The following IGSF3 variants were observed in gnomAD, a reference collection of about 807,000 sequenced individuals.
IGSF3 encodes the protein immunoglobulin superfamily member 3.
Under a neutral mutation model 114.4 loss-of-function variants are expected in IGSF3, and 23 were observed. That is an observed-to-expected ratio of 0.20 (90% CI 0.14 to 0.28). The LOEUF is 0.28. IGSF3 is among the 10% of genes least tolerant of loss of function. The probability of loss-of-function intolerance (pLI) is 1.00; values close to 1 mark genes in which losing one functional copy is unlikely to be tolerated. For missense variants in IGSF3, 1,172 were observed against 1,591.5 expected (o/e 0.74, Z 4.48); for synonymous variants, 571 against 645.2 (o/e 0.88, Z 1.74).
chr1:116,598,015 C>T lies in IGSF3; in HGVS notation c.2029+1926G>A, dbSNP rs1341884878. ...TTCATACATATTTTTCCCTGTCTGC[C>T]TTTAGTAACACCATAAACTAATCCA... On this transcript the variant is annotated intron_variant, in intron 7 of 10. Coordinates refer to ENST00000369486, the MANE Select transcript of IGSF3 (RefSeq NM_001007237.3). The surrounding 1 kb of genome is among the most constrained non-coding windows in gnomAD (Gnocchi z 4.3). Among the ~76,000 whole-genome samples the T allele has an allele frequency of 2.0e-5, 3 of 152,204 alleles. No homozygotes were observed. In the East Asian group the frequency reaches 5.8e-4, roughly 29 times the overall value.
rs946856136 is a variant in IGSF3, at chr1:116,667,706, C to G, written c.-719G>C. ...CTCAGGGGACGCGCCGCTTCCTCTT[C>G]TCCCGCAACGGCACCAGCAGCCGCG... On this transcript the variant is annotated 5_prime_UTR_variant, in exon 1 of 11. Coordinates refer to ENST00000369486, the MANE Select transcript of IGSF3 (RefSeq NM_001007237.3). 1.9e-4 allele frequency: 29 copies of G among 151,716 alleles called. No homozygotes were observed. The highest frequency in any genetic ancestry group is 7.0e-4 in the African/African-American group (29 of 41,496). The allele number at this position is 151,716 out of a possible 1,614,324, so 9.4% of individuals were successfully genotyped here.
chr1:116,664,919 G>A lies in IGSF3; in HGVS notation c.43+1365C>T, dbSNP rs527356344. On this transcript the variant is annotated intron_variant, in intron 2 of 10. Transcript: ENST00000369486. The surrounding 1 kb of genome is among the most constrained non-coding windows in gnomAD (Gnocchi z 4.6). ...GGGTCCCACTCCCTAAGCGAGTTTG[G>A]TTTCACTGATCTGGGGTTGTTGCCT... is the stretch of plus-strand genomic sequence containing the variant. Among the ~76,000 whole-genome samples, 1 of 152,306 alleles carries A rather than the reference G, an allele frequency of 6.6e-6. No homozygotes were observed. Among genetic ancestry groups the A allele is most frequent in the Admixed American group, 6.5e-5 (1 of 15,306 alleles).
chr1:116,590,034 G>A (rs141743641), intron 7 of IGSF3, among the ~76,000 whole-genome samples: 4,025 of 152,166 alleles, frequency 0.026, 78 homozygotes, highest in Non-Finnish European at 0.041. Flanking sequence ...GGAGAAACAC[G>A]GCAACAGGTA....
At chr1:116,581,451 A>G (rs558203046) in intron 9 of IGSF3, among the ~76,000 whole-genome samples, 2 of 151,474 alleles carry the variant, frequency 1.3e-5, no homozygotes, top group South Asian at 4.2e-4. Flanking sequence ...AATGTAATGT[A>G]AACTGAAGTA....
chr1:116,602,892 C>G (rs1214254155), intron 6 of IGSF3, among the ~76,000 whole-genome samples: 3 of 152,220 alleles, frequency 2.0e-5, no homozygotes, highest in African/African-American at 7.2e-5. Flanking sequence ...CAAATCTAAT[C>G]TTCCTTGGTT....
chr1:116,613,119 A>G (rs1009361719), intron 4 of IGSF3, among the ~76,000 whole-genome samples: 1 of 152,346 alleles, frequency 6.6e-6, no homozygotes, highest in African/African-American at 2.4e-5. Flanking sequence ...TTGAGCCCCA[A>G]CATAAAGTAA....
chr1:116,591,825 G>A (rs1238069764), intron 7 of IGSF3, among the ~76,000 whole-genome samples: 1 of 152,138 alleles, frequency 6.6e-6, no homozygotes, highest in Non-Finnish European at 1.5e-5. Context: ...CCTCCACAGA[G>A]CTAGGAGAGC....
rs1365887607 is a variant in IGSF3, at chr1:116,615,385, T to C, written c.421+695A>G. Among the ~76,000 whole-genome samples, 2 of 152,086 alleles carry C rather than the reference T, an allele frequency of 1.3e-5. No homozygotes were observed. Among genetic ancestry groups the C allele is most frequent in the Non-Finnish European group, 2.9e-5 (2 of 68,008 alleles). ...AAACAAATGATAGTATGTGTATTAA[T>C]AAAAGAACTAGCAACACCCACTGCT... On this transcript the variant is annotated intron_variant, in intron 3 of 10. Transcript: ENST00000369486. This position sits in a 1 kb window ranked among gnomAD's most constrained non-coding sequence, Gnocchi z 4.3.
Position 116,632,911 on chromosome 1 carries a change from T to A in IGSF3, c.44-16454A>T, listed in dbSNP as rs1647658774. Among the ~76,000 whole-genome samples, 1 of 152,254 alleles carries A rather than the reference T, an allele frequency of 6.6e-6. No homozygotes were observed. The highest frequency in any genetic ancestry group is 1.5e-5 in the Non-Finnish European group (1 of 68,044). ...TTTACCAAGCATTTGATTTACTTGC[T>A]CAGGCAAAATTCCAGAAGAGACACT... is the stretch of plus-strand genomic sequence containing the variant. On this transcript the variant is annotated intron_variant, in intron 2 of 10. Coordinates refer to ENST00000369486, the MANE Select transcript of IGSF3 (RefSeq NM_001007237.3). This position sits in a 1 kb window ranked among gnomAD's most constrained non-coding sequence, Gnocchi z 5.1.
rs1027999784 is a variant in IGSF3 at position 116,650,030 on chromosome 1, T to C, written c.43+16254A>G. On this transcript the variant is annotated intron_variant, in intron 2 of 10. Transcript: ENST00000369486. This position sits in a 1 kb window ranked among gnomAD's most constrained non-coding sequence, Gnocchi z 5.0. ...ACAATCTCCTCACTCAACTCTTTCC[T>C]ACCAACTTGCTTTCCCCTCTCCTTT... is the stretch of plus-strand genomic sequence containing the variant. Among the ~76,000 whole-genome samples, 5 of 152,216 alleles carry C rather than the reference T, an allele frequency of 3.3e-5. No individual in the cohort carries two copies. The highest frequency in any genetic ancestry group is 1.2e-4 in the African/African-American group (5 of 41,462).
chr1:116,657,448 A>T lies in IGSF3; in HGVS notation c.43+8836T>A, dbSNP rs555538740. ...CTTTCCCTAACCACAGGGCTAAGCAACCTAATGGATCAAACATGTGTGCTT... is the reference window on the plus strand; with the variant it reads ...CTTTCCCTAACCACAGGGCTAAGCATCCTAATGGATCAAACATGTGTGCTT... On this transcript the variant is annotated intron_variant, in intron 2 of 10. Coordinates refer to ENST00000369486, the MANE Select transcript of IGSF3 (RefSeq NM_001007237.3). The surrounding 1 kb of genome is among the most constrained non-coding windows in gnomAD (Gnocchi z 4.2). Among the ~76,000 whole-genome samples, 7 of 141,796 alleles carry T rather than the reference A, an allele frequency of 4.9e-5. No individual in the cohort carries two copies. Among genetic ancestry groups the T allele is most frequent in the Non-Finnish European group, 9.1e-5 (6 of 66,096 alleles). 93.0% of individuals were successfully genotyped at this position (141,796 alleles called of 152,430 possible). A position where few individuals can be genotyped will look rare whatever the true frequency, so the allele number is the denominator to read the frequency against.
chr1:116,604,901 G>A (rs1660733425), intron 5 of IGSF3, among the ~76,000 whole-genome samples: 1 of 152,256 alleles, frequency 6.6e-6, no homozygotes, highest in African/African-American at 2.4e-5. Context: ...ACCTTTAACT[G>A]TAGAATTCTT....
rs923822163 is a variant in IGSF3, at chr1:116,632,390, C to A, written c.44-15933G>T. Among the ~76,000 whole-genome samples, 1 of 152,130 alleles carries A rather than the reference C, an allele frequency of 6.6e-6. No homozygotes were observed. Among genetic ancestry groups the A allele is most frequent in the African/African-American group, 2.4e-5 (1 of 41,400 alleles). On this transcript the variant is annotated intron_variant, in intron 2 of 10. Coordinates refer to ENST00000369486, the MANE Select transcript of IGSF3 (RefSeq NM_001007237.3). This position sits in a 1 kb window ranked among gnomAD's most constrained non-coding sequence, Gnocchi z 5.1. ...GGGTGGGCGTGCTAGCATCTCTCAG[C>A]TAGACTGTCATTGGATGGTGACATT... is the stretch of plus-strand genomic sequence containing the variant.
In IGSF3 at chr1:116,649,357, A is replaced by G. The variant is rs1012744183; in HGVS notation, c.43+16927T>C. Among the ~76,000 whole-genome samples, 1 of 152,240 alleles carries G rather than the reference A, an allele frequency of 6.6e-6. No individual in the cohort carries two copies. Among genetic ancestry groups the G allele is most frequent in the Non-Finnish European group, 1.5e-5 (1 of 68,050 alleles). ...ATCTGGAGTATGTGCATGTCTAGTGAGTTGCCTCTACCACATCCTCTTAAC... is the reference window on the plus strand; with the variant it reads ...ATCTGGAGTATGTGCATGTCTAGTGGGTTGCCTCTACCACATCCTCTTAAC... On this transcript the variant is annotated intron_variant, in intron 2 of 10. Transcript: ENST00000369486. This position sits in a 1 kb window ranked among gnomAD's most constrained non-coding sequence, Gnocchi z 4.5.
rs141457080 is a variant in IGSF3, at chr1:116,623,586, T to C, written c.44-7129A>G. Among the ~76,000 whole-genome samples the C allele has an allele frequency of 4.7e-3, 705 of 151,004 alleles. 7 individuals are homozygous for C. The highest frequency in any genetic ancestry group is 0.016 in the African/African-American group (652 of 41,128). On this transcript the variant is annotated intron_variant, in intron 2 of 10. Coordinates refer to ENST00000369486, the MANE Select transcript of IGSF3 (RefSeq NM_001007237.3). The stretch of plus-strand genomic sequence containing the variant: ...TATCAGGAGGCTGAGGCAGGAGAAT[T>C]GCTTGAACCTGGGAGATGGAGGTTG...
At chr1:116,635,403 G>A (rs1571178138) in intron 2 of IGSF3, among the ~76,000 whole-genome samples, 1 of 152,026 alleles carries the variant, frequency 6.6e-6, no homozygotes, top group South Asian at 2.1e-4. Context: ...TTCTTAATAT[G>A]ACCCTCACCC....
In IGSF3 at chr1:116,629,080, G is replaced by A. The variant is rs146927758; in HGVS notation, c.44-12623C>T. Among the ~76,000 whole-genome samples, 1,618 of 152,248 alleles carry A rather than the reference G, an allele frequency of 0.011. 16 individuals carry two copies. The highest frequency in any genetic ancestry group is 0.016 in the Non-Finnish European group (1,095 of 68,024). On this transcript the variant is annotated intron_variant, in intron 2 of 10. Transcript: ENST00000369486. This position sits in a 1 kb window ranked among gnomAD's most constrained non-coding sequence, Gnocchi z 4.3. ...TACAAGAATGAGCACTATACCATAG[G>A]GGGGTGGGTCACAAAAGCAGGAAAA...
At chr1:116,622,010 T>C (rs1359442305) in intron 2 of IGSF3, among the ~76,000 whole-genome samples, 3 of 152,224 alleles carry the variant, frequency 2.0e-5, no homozygotes, top group African/African-American at 7.2e-5. Flanking sequence ...CAGCTTCTCA[T>C]GCAATTTTTG....
intron 2 of IGSF3, among the ~76,000 whole-genome samples, chr1:116,656,094 A>G (rs1332651317): frequency 6.6e-6 from 1 of 152,168 alleles, no homozygotes; most frequent in African/African-American, 2.4e-5. Context: ...AAAATAGTGA[A>G]GTAAATCATC....
Sources: allele counts gnomAD v4.1 joint callset (sites outside exome capture counted in the v4.1 genomes callset), GRCh38; gene constraint gnomAD v4.1.1; non-coding constraint Gnocchi (gnomAD v3.1); transcripts MANE v1.5; gene names NCBI Gene and HGNC (gene_info 2026-07-23, HGNC 2026-07-21).